Variants in ASAP1 observed in about 807,000 individuals in gnomAD.
The protein encoded by ASAP1 is arf-GAP with SH3 domain, ANK repeat and PH domain-containing protein 1.
A neutral mutation model predicts 145.2 loss-of-function variants in ASAP1; 43 were observed. That is an observed-to-expected ratio of 0.30 (90% CI 0.23 to 0.38). The LOEUF is 0.38. Among genes scored for constraint, ASAP1 ranks in the 10% least tolerant of loss-of-function variants. The probability of loss-of-function intolerance (pLI) is 1.00; values close to 1 mark genes in which losing one functional copy is unlikely to be tolerated. For missense variants in ASAP1, 1,018 were observed against 1,355.3 expected, an observed-to-expected ratio of 0.75 and a Z score of 3.91; for synonymous variants, 546 against 515.5, an observed-to-expected ratio of 1.06 and a Z score of -0.80.
chr8:130,171,691 C>T (rs903288134), intron 9 of ASAP1, among the ~76,000 whole-genome samples: 4 of 152,206 alleles, frequency 2.6e-5, no homozygotes, highest in Non-Finnish European at 4.4e-5. Flanking sequence ...GCTGCTACCC[C>T]ATAAGCAGTA....
At chr8:130,320,372 A>C (rs934576509) in intron 3 of ASAP1, among the ~76,000 whole-genome samples, 2 of 152,132 alleles carry the variant, frequency 1.3e-5, no homozygotes, top group African/African-American at 4.8e-5. Context: ...CCTGAGCGAC[A>C]TGACAAAACC....
intron 2 of ASAP1, among the ~76,000 whole-genome samples, chr8:130,373,849 GAAAAAAAAAA>G (rs1170269915): frequency 3.9e-5 from 2 of 50,906 alleles, no homozygotes; most frequent in East Asian, 5.8e-4. Flanking sequence ...GGAGTCTCCA[GAAAAAAAAAA>G]AAAAAAAAAA....
intron 3 of ASAP1, among the ~76,000 whole-genome samples, chr8:130,339,917 T>A (rs1040047242): frequency 5.2e-4 from 79 of 152,324 alleles, no homozygotes; most frequent in African/African-American, 1.9e-3. Flanking sequence ...CTACAGACAG[T>A]ACTTCTTCTG....
At chr8:130,305,842 C>A (rs1319566072) in intron 3 of ASAP1, among the ~76,000 whole-genome samples, 1 of 152,208 alleles carries the variant, frequency 6.6e-6, no homozygotes, top group Non-Finnish European at 1.5e-5. Context: ...AGCTGTTTCA[C>A]TGGCACCCCC....
chr8:130,371,352 C>T (rs897256905), intron 2 of ASAP1, among the ~76,000 whole-genome samples: 83 of 152,256 alleles, frequency 5.5e-4, no homozygotes, highest in African/African-American at 1.8e-3. Flanking sequence ...TGCACTAAAC[C>T]GCACTCTCTG....
At chr8:130,308,534 A>T (rs1264266080) in intron 3 of ASAP1, among the ~76,000 whole-genome samples, 1 of 152,246 alleles carries the variant, frequency 6.6e-6, no homozygotes, top group Non-Finnish European at 1.5e-5. Flanking sequence ...TTGATAAAAC[A>T]ATAGTTTATA....
chr8:130,386,168 G>T (rs1828006504), intron 2 of ASAP1, among the ~76,000 whole-genome samples: 1 of 152,226 alleles, frequency 6.6e-6, no homozygotes, highest in African/African-American at 2.4e-5. Context: ...ACAGCCAGTG[G>T]AGGAGAAAGC....
intron 15 of ASAP1, among the ~76,000 whole-genome samples, chr8:130,130,215 T>C (rs1362678284): frequency 6.6e-6 from 1 of 152,226 alleles, no homozygotes; most frequent in Non-Finnish European, 1.5e-5. Flanking sequence ...TAGAATCTTC[T>C]CACATGCCTC....
chr8:130,146,819 G>C (rs1216405228), intron 13 of ASAP1, among the ~76,000 whole-genome samples: 1 of 152,172 alleles, frequency 6.6e-6, no homozygotes, highest in Admixed American at 6.5e-5. Flanking sequence ...GCCATGGAAG[G>C]TGACAGAGCT....
At chr8:130,180,678 A>G in intron 8 of ASAP1, 73 bp downstream of exon 8, 1 of 1,515,944 alleles carries the variant, frequency 6.6e-7, no homozygotes, top group Non-Finnish European at 8.9e-7. Flanking sequence ...TTTAAGCATA[A>G]AGACTGCTGA....
chr8:130,278,695 A>C (rs1180050289), intron 3 of ASAP1, among the ~76,000 whole-genome samples: 1 of 152,202 alleles, frequency 6.6e-6, no homozygotes, highest in East Asian at 1.9e-4. Context: ...TTCCTGGGAT[A>C]TTTTATCCAT....
intron 27 of ASAP1, among the ~76,000 whole-genome samples, chr8:130,063,771 G>A (rs2097424293): frequency 1.3e-5 from 2 of 152,174 alleles, no homozygotes; most frequent in African/African-American, 2.4e-5. Context: ...ACAGGAAAAG[G>A]GTTACCATTC....
chr8:130,154,965 ACT>A (rs1468793400), intron 12 of ASAP1, among the ~76,000 whole-genome samples: 1 of 152,118 alleles, frequency 6.6e-6, no homozygotes, highest in Non-Finnish European at 1.5e-5. Flanking sequence ...AACGTGACTA[ACT>A]CTCTGCAAGT....
At chr8:130,064,459 C>G (rs1056628543) in intron 27 of ASAP1, among the ~76,000 whole-genome samples, 27 of 152,144 alleles carry the variant, frequency 1.8e-4, no homozygotes, top group African/African-American at 6.3e-4. Context: ...AAGGAACAGT[C>G]TGGAATGGAG....
intron 3 of ASAP1, among the ~76,000 whole-genome samples, chr8:130,245,104 G>C (rs1412217898): frequency 6.6e-6 from 1 of 152,106 alleles, no homozygotes; most frequent in African/African-American, 2.4e-5. Flanking sequence ...TTATATGAAA[G>C]GAAGAGGTAA....
intron 18 of ASAP1, among the ~76,000 whole-genome samples, chr8:130,121,610 CCTT>C (rs1201311393): frequency 6.6e-6 from 1 of 151,702 alleles, no homozygotes; most frequent in African/African-American, 2.4e-5. Flanking sequence ...GGAGAAAACT[CCTT>C]CTCTACTAAA....
intron 2 of ASAP1, among the ~76,000 whole-genome samples, chr8:130,400,613 C>T (rs1191871653): frequency 1.5e-5 from 2 of 137,834 alleles, no homozygotes; most frequent in South Asian, 2.2e-4. Context: ...CGGTGAAACC[C>T]GTCTCTACTA....
At position 130,167,636 on chromosome 8, in the gene ASAP1, A is replaced by G. The variant is rs2097682675; in HGVS notation, c.823-14T>C. ...GGTCTGTTTTATCTATGAAAAAAAA[A>G]TTACTTCTATTACTTACCATTTACA... is the stretch of plus-strand genomic sequence containing the variant. On this transcript the variant is annotated splice_polypyrimidine_tract_variant and intron_variant, in intron 10 of 29. Coordinates refer to ENST00000518721, the MANE Select transcript of ASAP1 (RefSeq NM_018482.4). 1 of 1,486,848 alleles carries G rather than the reference A, an allele frequency of 6.7e-7. No individual in the cohort carries two copies. Among genetic ancestry groups the G allele is most frequent in the Non-Finnish European group, 9.4e-7 (1 of 1,066,548 alleles). 92.1% of individuals were successfully genotyped at this position (1,486,848 alleles called of 1,614,324 possible). A position where few individuals can be genotyped will look rare whatever the true frequency, so the allele number is the denominator to read the frequency against.
At chr8:130,320,162 T>C (rs1025138411) in intron 3 of ASAP1, among the ~76,000 whole-genome samples, 10 of 152,226 alleles carry the variant, frequency 6.6e-5, no homozygotes, top group African/African-American at 2.2e-4. Flanking sequence ...AGTCACTATA[T>C]TTTAATGCAA....
Sources: gnomAD v4.1 joint callset for allele counts (sites outside exome capture counted in the v4.1 genomes callset) on GRCh38, gnomAD v4.1.1 for gene constraint, MANE v1.5 for transcripts, NCBI Gene and HGNC (gene_info 2026-07-23, HGNC 2026-07-21) for gene names.